The following ARID1B variants were observed in gnomAD, a reference collection of about 807,000 sequenced individuals.
ARID1B encodes AT-rich interactive domain-containing protein 1B.
Under a neutral mutation model 212.3 loss-of-function variants are expected in ARID1B, and 30 were observed. The ratio of observed to expected loss-of-function variants is 0.14; its 90% CI spans 0.11 to 0.19. ARID1B has a LOEUF of 0.19. Ranked by LOEUF, ARID1B falls within the 10% of genes least tolerant of loss-of-function variation. The probability of loss-of-function intolerance (pLI) is 1.00; values close to 1 mark genes in which losing one functional copy is unlikely to be tolerated. For synonymous variants in ARID1B, 1,402 were observed against 1,301.7 expected, an observed-to-expected ratio of 1.08 and a Z score of -1.66; for missense variants, 2,891 against 3,204.0, an observed-to-expected ratio of 0.90 and a Z score of 2.36.
intron 4 of ARID1B, among the ~76,000 whole-genome samples, chr6:156,993,853 A>G (rs1778419047): frequency 2.6e-5 from 4 of 152,234 alleles, no homozygotes. Context: ...TATAAAAATC[A>G]AATGGAAATT....
intron 6 of ARID1B, among the ~76,000 whole-genome samples, chr6:157,125,731 G>T (rs1431289652): frequency 6.6e-6 from 1 of 152,184 alleles, no homozygotes; most frequent in Non-Finnish European, 1.5e-5. Context: ...AGATGTCTGT[G>T]TGTCCCGCTG....
At chr6:157,186,609 TA>T (rs1437818930) in intron 13 of ARID1B, 1 of 455,438 alleles carries the variant, frequency 2.2e-6, no homozygotes, top group Non-Finnish European at 4.6e-6. Context: ...AAAATAAAAT[TA>T]TTCCCAACTA....
chr6:157,007,796 C>T (rs1262725812), intron 4 of ARID1B, among the ~76,000 whole-genome samples: 1 of 151,086 alleles, frequency 6.6e-6, no homozygotes, highest in Admixed American at 6.6e-5. Context: ...CTGCCTCAGC[C>T]TCCCAAGTAA....
intron 6 of ARID1B, among the ~76,000 whole-genome samples, chr6:157,123,152 C>G (rs935449558): frequency 3.3e-5 from 5 of 151,844 alleles, no homozygotes; most frequent in African/African-American, 1.2e-4. Context: ...AGAGTCTATT[C>G]AGATACTCGA....
At chr6:157,130,591 G>A (rs554049147) in intron 6 of ARID1B, among the ~76,000 whole-genome samples, 1 of 152,232 alleles carries the variant, frequency 6.6e-6, no homozygotes, top group South Asian at 2.1e-4. Flanking sequence ...AAGTTAAATA[G>A]GATAATAAGA....
At chr6:156,989,234 C>G (rs1469363171) in intron 4 of ARID1B, among the ~76,000 whole-genome samples, 1 of 152,206 alleles carries the variant, frequency 6.6e-6, no homozygotes, top group Non-Finnish European at 1.5e-5. Flanking sequence ...CACTATGTCT[C>G]TACTCCCACG....
chr6:156,992,986 G>C (rs546844103), intron 4 of ARID1B, among the ~76,000 whole-genome samples: 55 of 151,856 alleles, frequency 3.6e-4, no homozygotes, highest in Non-Finnish European at 3.8e-4. Context: ...GCCTTCTGTA[G>C]GGAGCTGAAT....
At chr6:156,906,407 C>T (rs1462800218) in intron 3 of ARID1B, among the ~76,000 whole-genome samples, 1 of 151,306 alleles carries the variant, frequency 6.6e-6, no homozygotes, top group Non-Finnish European at 1.5e-5. Context: ...ATTAGCTGGG[C>T]GTGGAGGCGC....
chr6:156,831,828 A>G (rs1271155502), intron 2 of ARID1B, among the ~76,000 whole-genome samples: 2 of 152,234 alleles, frequency 1.3e-5, no homozygotes, highest in Non-Finnish European at 2.9e-5. Context: ...AGAAATACCC[A>G]ATTCTAATTA....
At chr6:157,097,020 TTTTG>T (rs1253828511) in intron 5 of ARID1B, among the ~76,000 whole-genome samples, 16 of 152,282 alleles carry the variant, frequency 1.1e-4, no homozygotes, top group East Asian at 5.8e-4. Context: ...GCCTGGGGTT[TTTTG>T]TTTGTTTGTT....
Position 157,201,523 on chromosome 6 carries a change from T to A in ARID1B, c.5263+35T>A, listed in dbSNP as rs1293684043. ...CCAAAGCTTTCATTCTGAAATGAAT[T>A]CCAGTTGCAGTGTAGAATTTTAATT... On this transcript the variant is annotated intron_variant, in intron 18 of 19. Coordinates refer to ENST00000636930, the MANE Select transcript of ARID1B (RefSeq NM_001374828.1). This position sits in a 1 kb window ranked among gnomAD's most constrained non-coding sequence, Gnocchi z 5.2. The A allele has an allele frequency of 6.7e-7, 1 of 1,490,412 alleles. No individual in the cohort carries two copies. The allele number at this position is 1,490,412 out of a possible 1,614,324, so 92.3% of individuals were successfully genotyped here.
rs1781161547 is a variant in ARID1B, at chr6:156,806,437, A to T, written c.1792-22790A>T. 3.3e-5 allele frequency among the ~76,000 whole-genome samples: 5 copies of T among 152,310 alleles called. No homozygotes were observed. The South Asian group carries it at 1.0e-3, about 32-fold the overall frequency. On this transcript the variant is annotated intron_variant, in intron 1 of 19. Coordinates refer to ENST00000636930, the MANE Select transcript of ARID1B (RefSeq NM_001374828.1). ...GTCCTTTCTTCTAAAAACACATTTC[A>T]CAAAAATACATTTCACAGACTTTAC...
chr6:156,887,960 C>G (rs2128181916), intron 2 of ARID1B, among the ~76,000 whole-genome samples: 1 of 152,280 alleles, frequency 6.6e-6, no homozygotes, highest in East Asian at 1.9e-4. Context: ...TTTGTTGACT[C>G]TTTTAAAATT....
At chr6:157,079,456 A>T (rs917177394) in intron 4 of ARID1B, among the ~76,000 whole-genome samples, 18 of 152,184 alleles carry the variant, frequency 1.2e-4, no homozygotes, top group African/African-American at 4.3e-4. Flanking sequence ...TCTCATATCA[A>T]TTTCAAGGTG....
chr6:157,042,714 A>G (rs1202898063), intron 4 of ARID1B, among the ~76,000 whole-genome samples: 1 of 148,890 alleles, frequency 6.7e-6, no homozygotes, highest in African/African-American at 2.5e-5. Flanking sequence ...GCTGGAGTAC[A>G]GTGGCGTGAT....
chr6:157,136,633 G>A (rs565791302), intron 7 of ARID1B, among the ~76,000 whole-genome samples: 2 of 152,294 alleles, frequency 1.3e-5, no homozygotes, highest in Admixed American at 6.5e-5. Context: ...AGTCCGAGAC[G>A]GGTGGATCAC....
chr6:156,845,274 A>C (rs1404422077), intron 2 of ARID1B, among the ~76,000 whole-genome samples: 1 of 152,208 alleles, frequency 6.6e-6, no homozygotes, highest in Non-Finnish European at 1.5e-5. Context: ...CGCATTCTGC[A>C]TTCTGTACTT....
chr6:157,134,263 G>T lies in ARID1B; in HGVS notation c.2761+1056G>T, dbSNP rs566439468. On this transcript the variant is annotated intron_variant, in intron 7 of 19. Coordinates refer to ENST00000636930, the MANE Select transcript of ARID1B (RefSeq NM_001374828.1). ...TCTCAGAAAATCGCATCTTTCTGAT[G>T]TATAGTACTTTACAGCTTGAAAAGC... 6.6e-5 allele frequency among the ~76,000 whole-genome samples: 10 copies of T among 152,332 alleles called. No individual in the cohort carries two copies. The South Asian group carries it at 1.2e-3, about 19-fold the overall frequency.
chr6:156,869,789 A>T (rs765008430), intron 2 of ARID1B, among the ~76,000 whole-genome samples: 2 of 152,246 alleles, frequency 1.3e-5, no homozygotes, highest in Non-Finnish European at 2.9e-5. Flanking sequence ...AGGAAAAAAA[A>T]GAGTGAGCAT....
Sources: allele counts gnomAD v4.1 joint callset (sites outside exome capture counted in the v4.1 genomes callset), GRCh38; gene constraint gnomAD v4.1.1; non-coding constraint Gnocchi (gnomAD v3.1); transcripts MANE v1.5; gene names NCBI Gene and HGNC (gene_info 2026-07-23, HGNC 2026-07-21).